Variants in CUX2 observed in about 807,000 individuals in gnomAD.
CUX2 encodes the protein cut like homeobox 2, also known as homeobox protein cut-like 2.
A neutral mutation model predicts 144.8 loss-of-function variants in CUX2; 40 were observed. The observed-to-expected ratio is 0.28, with a 90% CI of 0.21 to 0.36. The LOEUF (loss-of-function observed/expected upper bound fraction) is 0.36. CUX2 is among the 10% of genes least tolerant of loss of function. The pLI is 1.00. For missense variants in CUX2, 1,615 were observed against 1,994.0 expected (o/e 0.81, Z 3.62); for synonymous variants, 827 against 875.6 (o/e 0.94, Z 0.98).
intron 1 of CUX2, among the ~76,000 whole-genome samples, chr12:111,087,137 A>G (rs1256282198): frequency 6.6e-6 from 1 of 152,026 alleles, no homozygotes; most frequent in African/African-American, 2.4e-5. Context: ...AGGCAGGCGG[A>G]TTGAGGTCAG....
chr12:111,038,444 C>T (rs1869568108), intron 1 of CUX2, among the ~76,000 whole-genome samples: 1 of 152,254 alleles, frequency 6.6e-6, no homozygotes, highest in Non-Finnish European at 1.5e-5. Context: ...CTTGGCATGG[C>T]TCAGCCCCCT....
At chr12:111,143,764 G>A (rs1250013278) in intron 1 of CUX2, among the ~76,000 whole-genome samples, 9 of 152,210 alleles carry the variant, frequency 5.9e-5, no homozygotes, top group African/African-American at 1.2e-4. Flanking sequence ...TCCACCACCC[G>A]GCTTCCCTGC....
chr12:111,212,067 A>G (rs1159527196), intron 1 of CUX2, among the ~76,000 whole-genome samples: 5 of 152,128 alleles, frequency 3.3e-5, no homozygotes, highest in African/African-American at 1.2e-4. Context: ...CTGGCCCTCC[A>G]GTTTTTTTCT....
intron 1 of CUX2, among the ~76,000 whole-genome samples, chr12:111,044,826 T>G (rs2136005513): frequency 6.6e-6 from 1 of 152,346 alleles, no homozygotes; most frequent in East Asian, 1.9e-4. Context: ...CACCCCTCAC[T>G]GGCTCTTGAA....
intron 1 of CUX2, among the ~76,000 whole-genome samples, chr12:111,205,142 G>A (rs909191392): frequency 1.5e-5 from 2 of 134,122 alleles, no homozygotes; most frequent in Non-Finnish European, 3.2e-5. Flanking sequence ...GGAGCCATCC[G>A]TCTTGTCTTG....
intron 1 of CUX2, among the ~76,000 whole-genome samples, chr12:111,102,483 A>C (rs992710987): frequency 6.6e-6 from 1 of 152,202 alleles, no homozygotes. Flanking sequence ...CTGGCACCAC[A>C]CTGTGCCCTG....
chr12:111,204,391 T>C (rs1380969476), intron 1 of CUX2, among the ~76,000 whole-genome samples: 6 of 152,166 alleles, frequency 3.9e-5, no homozygotes, highest in African/African-American at 1.4e-4. Flanking sequence ...GTCTGTCTTG[T>C]CCCTGGTAAC....
At chr12:111,329,250 A>AG (rs1316193508) in intron 18 of CUX2, among the ~76,000 whole-genome samples, 1 of 151,140 alleles carries the variant, frequency 6.6e-6, no homozygotes, top group African/African-American at 2.4e-5. Context: ...TCCTGTCCCC[A>AG]GCTGCCCACA....
At chr12:111,330,718 T>TATATATATACATATAC (rs1565926202) in intron 18 of CUX2, among the ~76,000 whole-genome samples, 636 of 43,548 alleles carry the variant, frequency 0.015, 33 homozygotes, top group Non-Finnish European at 0.024. Flanking sequence ...TATATATATA[T>TATATATATACATATAC]ATATATATAT....
intron 1 of CUX2, among the ~76,000 whole-genome samples, chr12:111,105,779 A>G (rs1873563981): frequency 6.6e-6 from 1 of 152,012 alleles, no homozygotes; most frequent in Non-Finnish European, 1.5e-5. Flanking sequence ...TACCTGCTGC[A>G]TGGCTGTTCA....
At chr12:111,110,001 G>C (rs986863684) in intron 1 of CUX2, among the ~76,000 whole-genome samples, 1 of 151,584 alleles carries the variant, frequency 6.6e-6, no homozygotes, top group African/African-American at 2.4e-5. Flanking sequence ...TCAGCCTCCA[G>C]AGTGGCTGGA....
At chr12:111,042,275 C>T (rs1039797334) in intron 1 of CUX2, among the ~76,000 whole-genome samples, 3 of 152,108 alleles carry the variant, frequency 2.0e-5, no homozygotes, top group African/African-American at 7.2e-5. Flanking sequence ...GTTGCGGATC[C>T]GGAGACCACA....
chr12:111,131,302 C>T (rs1875459964), intron 1 of CUX2, among the ~76,000 whole-genome samples: 1 of 152,166 alleles, frequency 6.6e-6, no homozygotes, highest in African/African-American at 2.4e-5. Context: ...TGGGAAAGAC[C>T]AGCCCCTGTG....
intron 1 of CUX2, among the ~76,000 whole-genome samples, chr12:111,135,048 G>A (rs1166655223): frequency 6.6e-6 from 1 of 152,174 alleles, no homozygotes; most frequent in Admixed American, 6.5e-5. Flanking sequence ...TTGCTCTGGG[G>A]ACTGTTGATT....
At chr12:111,166,142 C>T (rs1878126043) in intron 1 of CUX2, among the ~76,000 whole-genome samples, 2 of 152,160 alleles carry the variant, frequency 1.3e-5, no homozygotes, top group Non-Finnish European at 2.9e-5. Flanking sequence ...CCTCAGCCTC[C>T]TGAGTAGCTG....
intron 1 of CUX2, among the ~76,000 whole-genome samples, chr12:111,211,949 C>T (rs1038291131): frequency 4.6e-5 from 7 of 151,902 alleles, no homozygotes; most frequent in Non-Finnish European, 1.0e-4. Context: ...AAACCCATGT[C>T]CCAGTTCTGT....
chr12:111,277,393 C>T lies in CUX2; in HGVS notation c.301+13554C>T, dbSNP rs1265565. On this transcript the variant is annotated intron_variant, in intron 4 of 21. Transcript: ENST00000261726. This position sits in a 1 kb window ranked among gnomAD's most constrained non-coding sequence, Gnocchi z 5.0. ...TTAGTAGGACGGTCAGCTGCCATTT[C>T]CTTATCTGATGCAAGCCGTTTCTCC... 0.26 allele frequency among the ~76,000 whole-genome samples: 39,499 copies of T among 151,956 alleles called. 7,029 individuals carry two copies. Among genetic ancestry groups the T allele is most frequent in the Non-Finnish European group, 0.38 (26,084 of 67,874 alleles).
chr12:111,145,321 G>A (rs7972123), intron 1 of CUX2, among the ~76,000 whole-genome samples: 8,821 of 152,254 alleles, frequency 0.058, 873 homozygotes, highest in African/African-American at 0.2. Context: ...AATGTATTCA[G>A]CTGCAAGTAA....
At position 111,349,675 on chromosome 12, in the gene CUX2, G is replaced by A. The variant is rs184480673; in HGVS notation, c.*1350G>A. 4 of 152,254 alleles carry A rather than the reference G, an allele frequency of 2.6e-5. No homozygotes were observed. Among genetic ancestry groups the A allele is most frequent in the African/African-American group, 7.2e-5 (3 of 41,522 alleles). The allele number at this position is 152,254 out of a possible 1,614,324, so 9.4% of individuals were successfully genotyped here. Reference sequence around the variant, plus strand: ...AACTCAGAGGAACCCTTCCTCCAGCGTCTTTGGCATGGTTTCTAGGGTGAG... The same window carrying A: ...AACTCAGAGGAACCCTTCCTCCAGCATCTTTGGCATGGTTTCTAGGGTGAG... On this transcript the variant is annotated 3_prime_UTR_variant, in exon 22 of 22. Transcript: ENST00000261726.
Sources: allele counts gnomAD v4.1 joint callset (sites outside exome capture counted in the v4.1 genomes callset), GRCh38; gene constraint gnomAD v4.1.1; non-coding constraint Gnocchi (gnomAD v3.1); transcripts MANE v1.5; gene names NCBI Gene and HGNC (gene_info 2026-07-23, HGNC 2026-07-21).